SHISA9: variants seen among roughly 807,000 people sequenced by gnomAD.
SHISA9 encodes the protein protein shisa-9.
A neutral mutation model predicts 38.0 loss-of-function variants in SHISA9; 13 were observed. The observed-to-expected ratio is 0.34, with a 90% CI of 0.22 to 0.54. The LOEUF (loss-of-function observed/expected upper bound fraction) is 0.54, where lower values mean the gene tolerates loss of function less well. Ranked by LOEUF, SHISA9 falls within the 20% of genes least tolerant of loss-of-function variation. The pLI, the probability that SHISA9 is intolerant of heterozygous loss-of-function variation, is 0.91. For missense variants in SHISA9, 538 were observed against 575.8 expected, an observed-to-expected ratio of 0.93 and a Z score of 0.67; for synonymous variants, 275 against 242.0, an observed-to-expected ratio of 1.14 and a Z score of -1.27.
intron 2 of SHISA9, among the ~76,000 whole-genome samples, chr16:13,057,797 G>A (rs1291947466): frequency 1.3e-5 from 2 of 152,070 alleles, no homozygotes; most frequent in African/African-American, 4.8e-5. Flanking sequence ...TTATCCTGAT[G>A]CTCTCTCCTC....
At chr16:13,524,245 C>A in the SHISA9 span, among the ~76,000 whole-genome samples, 1 of 152,182 alleles carries the variant, frequency 6.6e-6, no homozygotes, top group Non-Finnish European at 1.5e-5. Flanking sequence ...TCACACATTG[C>A]CCCCGGCTGT....
chr16:13,275,728 A>C, the SHISA9 span, among the ~76,000 whole-genome samples: 1 of 151,962 alleles, frequency 6.6e-6, no homozygotes, highest in Non-Finnish European at 1.5e-5. Context: ...CTTGTTTGTG[A>C]AAAAATTTTT....
At position 13,235,310 on chromosome 16, in the gene SHISA9, C is replaced by T. The variant is rs377352917; in HGVS notation, c.1176C>T (p.Ala392=). Residue 392 remains alanine (A), a synonymous_variant, in exon 5 of 5, where the codon GCC becomes GCT. Transcript: ENST00000558583. ...GCAACAAGGGCAAGCTTGGCACGGC[C>T]GAGACAGGCTCCAGCGACCCCTTGG... ...AYSNKGKLGT[A]ETGSSDPLGT... 59 of 1,550,178 alleles carry T rather than the reference C, an allele frequency of 3.8e-5. No individual in the cohort carries two copies. The African/African-American group carries it at 6.8e-4, about 18-fold the overall frequency.
At chr16:13,106,175 T>G (rs1354804419) in intron 2 of SHISA9, among the ~76,000 whole-genome samples, 2 of 152,178 alleles carry the variant, frequency 1.3e-5, no homozygotes, top group African/African-American at 4.8e-5. Flanking sequence ...CCTGAGTGCT[T>G]GGCTATTGAG....
intron 4 of SHISA9, 129 bp from the exon 5 acceptor site, chr16:13,234,901 T>A: frequency 9.1e-7 from 1 of 1,095,128 alleles, no homozygotes; most frequent in Admixed American, 2.8e-5. Context: ...TAGTGTGTCT[T>A]GTTTGGACTG....
At chr16:13,244,373 G>T (rs750054556), downstream of SHISA9, among the ~76,000 whole-genome samples, 21 of 152,116 alleles carry the variant, frequency 1.4e-4, no homozygotes, top group Non-Finnish European at 2.6e-4. Context: ...GAGACAGCAA[G>T]ACCAAGCCCT....
chr16:13,407,562 T>G, the SHISA9 span, among the ~76,000 whole-genome samples: 1 of 152,226 alleles, frequency 6.6e-6, no homozygotes, highest in African/African-American at 2.4e-5. Context: ...ATGAACACTG[T>G]TGGTTTCCTA....
intron 2 of SHISA9, among the ~76,000 whole-genome samples, chr16:13,130,632 TA>T (rs901867937): frequency 6.6e-6 from 1 of 152,136 alleles, no homozygotes; most frequent in Non-Finnish European, 1.5e-5. Flanking sequence ...TTCATAGGTT[TA>T]AAAAAATCTT....
the SHISA9 span, among the ~76,000 whole-genome samples, chr16:13,453,683 A>T: frequency 2.6e-5 from 4 of 152,230 alleles, no homozygotes; most frequent in South Asian, 2.1e-4. Context: ...GACTAGTAAA[A>T]CATAATAAAT....
At chr16:13,476,772 G>A in the SHISA9 span, among the ~76,000 whole-genome samples, 343 of 106,700 alleles carry the variant, frequency 3.2e-3, 3 homozygotes, top group African/African-American at 0.012. Flanking sequence ...TTTTTGAGAC[G>A]GAGTCTCGCT....
intron 2 of SHISA9, among the ~76,000 whole-genome samples, chr16:13,010,867 G>A (rs1225278105): frequency 3.3e-5 from 5 of 152,228 alleles, no homozygotes; most frequent in Middle Eastern, 3.4e-3. Flanking sequence ...CACAAGAATC[G>A]CTTGAACCCA....
chr16:13,011,733 G>C (rs187065054), intron 2 of SHISA9, among the ~76,000 whole-genome samples: 84 of 152,270 alleles, frequency 5.5e-4, no homozygotes, highest in African/African-American at 2.0e-3. Flanking sequence ...GTATTAACCA[G>C]GATGGTGTCG....
intron 2 of SHISA9, among the ~76,000 whole-genome samples, chr16:12,933,935 G>C (rs2071493979): frequency 6.6e-6 from 1 of 152,042 alleles, no homozygotes; most frequent in Non-Finnish European, 1.5e-5. Context: ...GGAAGGTGAT[G>C]GGAGAAAAAA....
chr16:12,973,436 G>A (rs967365503), intron 2 of SHISA9, among the ~76,000 whole-genome samples: 2 of 152,162 alleles, frequency 1.3e-5, no homozygotes, highest in Non-Finnish European at 2.9e-5. Context: ...AAAGATATAG[G>A]CTACAGACTA....
At chr16:13,518,948 C>T in the SHISA9 span, among the ~76,000 whole-genome samples, 2 of 152,116 alleles carry the variant, frequency 1.3e-5, no homozygotes, top group Non-Finnish European at 2.9e-5. Flanking sequence ...AACCCACTTC[C>T]ACAATAATCC....
intron 4 of SHISA9, among the ~76,000 whole-genome samples, chr16:13,227,093 A>T (rs1456617119): frequency 6.6e-6 from 1 of 152,208 alleles, no homozygotes; most frequent in Non-Finnish European, 1.5e-5. Context: ...AGGCAGGATG[A>T]ATGCCTGCCT....
At chr16:13,005,387 G>C (rs910679836) in intron 2 of SHISA9, among the ~76,000 whole-genome samples, 7 of 152,166 alleles carry the variant, frequency 4.6e-5, no homozygotes, top group African/African-American at 1.7e-4. Flanking sequence ...ACATTTATGA[G>C]GCGCCTACTA....
At chr16:13,559,086 T>G in the SHISA9 span, among the ~76,000 whole-genome samples, 1 of 152,224 alleles carries the variant, frequency 6.6e-6, no homozygotes, top group African/African-American at 2.4e-5. Flanking sequence ...TTCTGTTTTG[T>G]TCACCACTTT....
chr16:13,391,851 A>G, the SHISA9 span, among the ~76,000 whole-genome samples: 1 of 152,344 alleles, frequency 6.6e-6, no homozygotes, highest in African/African-American at 2.4e-5. Context: ...AACGGTGGCA[A>G]TTCAGGGACT....
Sources: gnomAD v4.1 joint callset for allele counts (sites outside exome capture counted in the v4.1 genomes callset) on GRCh38, gnomAD v4.1.1 for gene constraint, MANE v1.5 for transcripts, NCBI Gene and HGNC (gene_info 2026-07-23, HGNC 2026-07-21) for gene names.